LRP1B: variants seen among roughly 807,000 people sequenced by gnomAD.
LRP1B encodes the protein LDL receptor related protein 1B.
A neutral mutation model predicts 556.6 loss-of-function variants in LRP1B; 217 were observed. That is an observed-to-expected ratio of 0.39 (90% CI 0.35 to 0.44). The LOEUF is 0.44. Among genes scored for constraint, LRP1B ranks in the 20% least tolerant of loss-of-function variants. The pLI is 1.00. For synonymous variants in LRP1B, 2,047 were observed against 1,865.8 expected (o/e 1.10, Z -2.50); for missense variants, 5,053 against 5,620.8 (o/e 0.90, Z 3.23).
chr2:141,045,834 T>G lies in LRP1B; in HGVS notation c.1789+3152A>C, dbSNP rs565109452. ...GGAATAGTATGAATTTTACAAAAAT[T>G]TTGACAAAGATTCCAGGTGGGTGAA... On this transcript the variant is annotated intron_variant, in intron 11 of 90. Transcript: ENST00000389484. Among the ~76,000 whole-genome samples the G allele has an allele frequency of 2.0e-5, 3 of 152,256 alleles. No homozygotes were observed. The East Asian group carries it at 5.8e-4, about 29-fold the overall frequency.
At chr2:141,690,053 C>T (rs759850809) in intron 2 of LRP1B, among the ~76,000 whole-genome samples, 50 of 151,436 alleles carry the variant, frequency 3.3e-4, no homozygotes, top group Admixed American at 2.0e-4. Context: ...AAAAACTCTT[C>T]CATTATTATT....
chr2:141,281,624 G>T (rs1685512217), intron 3 of LRP1B, among the ~76,000 whole-genome samples: 1 of 151,996 alleles, frequency 6.6e-6, no homozygotes, highest in Non-Finnish European at 1.5e-5. Context: ...TCAGTATATT[G>T]TTAAACTAGT....
At chr2:141,124,085 T>G (rs545811848) in intron 7 of LRP1B, among the ~76,000 whole-genome samples, 24 of 152,276 alleles carry the variant, frequency 1.6e-4, no homozygotes, top group Non-Finnish European at 2.8e-4. Flanking sequence ...ATTTGCTAAT[T>G]TATTTTTCCA....
At chr2:140,299,505 T>C (rs1358103925) in intron 83 of LRP1B, among the ~76,000 whole-genome samples, 2 of 152,126 alleles carry the variant, frequency 1.3e-5, no homozygotes, top group East Asian at 1.9e-4. Flanking sequence ...CGTTAAACGC[T>C]GAGTAATCTC....
chr2:140,555,235 A>AG (rs934276828), intron 43 of LRP1B, among the ~76,000 whole-genome samples: 2 of 151,834 alleles, frequency 1.3e-5, no homozygotes, highest in African/African-American at 4.8e-5. Context: ...AAAAAAAAAA[A>AG]ACAAATATTA....
intron 2 of LRP1B, among the ~76,000 whole-genome samples, chr2:141,487,676 C>T (rs1683171646): frequency 6.6e-6 from 1 of 152,110 alleles, no homozygotes; most frequent in African/African-American, 2.4e-5. Context: ...AATATATTCC[C>T]ACTCCTGGAT....
intron 49 of LRP1B, among the ~76,000 whole-genome samples, chr2:140,521,449 T>C (rs537496269): frequency 4.6e-5 from 7 of 152,040 alleles, no homozygotes; most frequent in African/African-American, 1.4e-4. Flanking sequence ...CTAACCTCCA[T>C]AGATAAAGGA....
chr2:140,729,063 T>C (rs1020649312), intron 35 of LRP1B, among the ~76,000 whole-genome samples: 19 of 152,140 alleles, frequency 1.2e-4, no homozygotes, highest in Admixed American at 5.2e-4. Context: ...TAACATAATA[T>C]TGTCTTTATG....
At chr2:141,487,223 A>G (rs1574003014) in intron 2 of LRP1B, among the ~76,000 whole-genome samples, 2 of 152,182 alleles carry the variant, frequency 1.3e-5, no homozygotes, top group South Asian at 4.2e-4. Context: ...CAGATTATAA[A>G]TTTGCTCATG....
At position 140,598,800 on chromosome 2, in the gene LRP1B, G is replaced by T. The variant is rs2105189540; in HGVS notation, c.7025C>A (p.Pro2342Gln). 2 of 1,610,662 alleles carry T rather than the reference G, an allele frequency of 1.2e-6. No homozygotes were observed. The highest frequency in any genetic ancestry group is 8.5e-7 in the Non-Finnish European group (1 of 1,177,338). The change falls in exon 43 of 91, where the codon CCA becomes CAA. Residue 2342 changes from proline to glutamine, a missense_variant. Pro to Gln is a moderately conservative substitution (Grantham distance 76). This residue lies in a region of LRP1B where 3,619 missense variants were observed against 3,931.9 expected (regional missense o/e 0.92). Coordinates refer to ENST00000389484, the MANE Select transcript of LRP1B (RefSeq NM_018557.3). Reference protein sequence around the residue: ...MFWTNWNEQHPSIMRSTLTGK... With the variant: ...MFWTNWNEQHQSIMRSTLTGK... Reference sequence around the variant, plus strand: ...AGTCAGAGTAGATCTCATGATACTTGGATGTTGTTCATTCCAGTTGGTCCA... The same window carrying T: ...AGTCAGAGTAGATCTCATGATACTTTGATGTTGTTCATTCCAGTTGGTCCA...
intron 2 of LRP1B, among the ~76,000 whole-genome samples, chr2:141,519,380 TATATATATATATATATATATATGA>T (rs1684448839): frequency 1.8e-5 from 1 of 54,850 alleles, no homozygotes; most frequent in African/African-American, 6.2e-5. Context: ...TATATATATA[TATATATATATATATATATATATGA>T]AATGCAATAT....
intron 5 of LRP1B, among the ~76,000 whole-genome samples, chr2:141,239,662 G>A (rs1032238719): frequency 2.0e-5 from 3 of 152,110 alleles, no homozygotes; most frequent in Non-Finnish European, 4.4e-5. Context: ...AAGATGGAGC[G>A]ATTAGTTCTA....
At chr2:140,417,769 A>G (rs982057544) in intron 66 of LRP1B, among the ~76,000 whole-genome samples, 2 of 152,224 alleles carry the variant, frequency 1.3e-5, no homozygotes, top group East Asian at 1.9e-4. Context: ...AATGTTGGCT[A>G]GCCAAAAAAT....
At chr2:141,915,244 G>A (rs1699999647) in intron 1 of LRP1B, among the ~76,000 whole-genome samples, 1 of 152,120 alleles carries the variant, frequency 6.6e-6, no homozygotes, top group South Asian at 2.1e-4. Context: ...TATGCAAAGG[G>A]GAGAGGACTC....
chr2:141,270,883 T>G (rs1685064321), intron 3 of LRP1B, among the ~76,000 whole-genome samples: 1 of 150,764 alleles, frequency 6.6e-6, no homozygotes, highest in African/African-American at 2.5e-5. Flanking sequence ...CACAACAGTA[T>G]AAATGTACTT....
chr2:141,547,029 G>A (rs1256330244), intron 2 of LRP1B, among the ~76,000 whole-genome samples: 3 of 152,126 alleles, frequency 2.0e-5, no homozygotes, highest in African/African-American at 4.8e-5. Context: ...GAAACCTTCA[G>A]TTTTAACATC....
rs559293959 is a variant in LRP1B, at chr2:140,234,717, G to T, written c.13659+69C>A. 39 of 714,544 alleles carry T rather than the reference G, an allele frequency of 5.5e-5. No homozygotes were observed. The African/African-American group carries it at 6.4e-4, about 12-fold the overall frequency. The allele number at this position is 714,544 out of a possible 1,614,324, so 44.3% of individuals were successfully genotyped here. ...AATTAAAAACAAGCCTCTAAGTCTA[G>T]TAATTAGTCTTTGATTGTGAGGGTT... On this transcript the variant is annotated intron_variant, in intron 90 of 90. Coordinates refer to ENST00000389484, the MANE Select transcript of LRP1B (RefSeq NM_018557.3).
intron 84 of LRP1B, among the ~76,000 whole-genome samples, chr2:140,291,318 A>ATATATATATATATTTTTTT (rs369391920): frequency 1.9e-4 from 21 of 109,320 alleles, no homozygotes; most frequent in African/African-American, 5.3e-4. Flanking sequence ...ATATATATAT[A>ATATATATATATATTTTTTT]TTTTTATTAT....
chr2:142,121,194 C>G (rs1000313754), intron 1 of LRP1B, among the ~76,000 whole-genome samples: 1 of 152,150 alleles, frequency 6.6e-6, no homozygotes, highest in Non-Finnish European at 1.5e-5. Flanking sequence ...TCATTCAAGC[C>G]ATCAACATCT....
Sources: allele counts gnomAD v4.1 joint callset (sites outside exome capture counted in the v4.1 genomes callset), GRCh38; gene constraint gnomAD v4.1.1; regional missense constraint gnomAD v4.1.1; transcripts MANE v1.5; gene names NCBI Gene and HGNC (gene_info 2026-07-23, HGNC 2026-07-21).